The following GRIN2B variants were observed in gnomAD, a reference collection of about 807,000 sequenced individuals.
GRIN2B encodes the protein glutamate receptor ionotropic, NMDA 2B.
Under a neutral mutation model 114.5 loss-of-function variants are expected in GRIN2B, and 5 were observed. That is an observed-to-expected ratio of 0.04 (90% CI 0.02 to 0.09). GRIN2B has a LOEUF of 0.09. GRIN2B is among the 10% of genes least tolerant of loss of function. The pLI is 1.00. For synonymous variants in GRIN2B, 787 were observed against 745.1 expected (o/e 1.06, Z -0.92); for missense variants, 1,108 against 1,943.5 (o/e 0.57, Z 8.08).
At chr12:13,860,261 G>A (rs1018621497) in intron 3 of GRIN2B, among the ~76,000 whole-genome samples, 3 of 152,210 alleles carry the variant, frequency 2.0e-5, no homozygotes, top group Admixed American at 1.3e-4. Context: ...ATTCCAAAAT[G>A]TGGCTCTCAG....
chr12:13,690,802 G>C (rs764097), intron 4 of GRIN2B, among the ~76,000 whole-genome samples: 147,912 of 152,284 alleles, frequency 0.97, 71,961 homozygotes, highest in Middle Eastern at 1. Context: ...ATTGCAGTTT[G>C]TGGCTATGAT....
intron 4 of GRIN2B, among the ~76,000 whole-genome samples, chr12:13,733,575 A>T (rs185426846): frequency 6.6e-6 from 1 of 152,216 alleles, no homozygotes; most frequent in South Asian, 2.1e-4. Flanking sequence ...CCTAAAACCA[A>T]TCTAAAAGAG....
chr12:13,952,610 T>C (rs1341502011), intron 2 of GRIN2B, among the ~76,000 whole-genome samples: 2 of 152,124 alleles, frequency 1.3e-5, no homozygotes, highest in African/African-American at 2.4e-5. Context: ...TTCTTTTTCA[T>C]AGATTGTTGA....
chr12:13,798,749 C>T (rs185203785), intron 3 of GRIN2B, among the ~76,000 whole-genome samples: 28 of 152,284 alleles, frequency 1.8e-4, no homozygotes, highest in South Asian at 4.1e-4. Flanking sequence ...TTTATTCCCA[C>T]GCTTGGACAA....
At position 13,562,969 on chromosome 12, in the gene GRIN2B, G is replaced by A. The variant is rs1565452665; in HGVS notation, c.4269C>T (p.Ala1423=). 4 of 1,614,000 alleles carry A rather than the reference G, an allele frequency of 2.5e-6. No individual in the cohort carries two copies. Among genetic ancestry groups the A allele is most frequent in the Non-Finnish European group, 3.4e-6 (4 of 1,179,876 alleles). The change falls in exon 14 of 14, where the codon GCC becomes GCT. Residue 1423 remains alanine (A), a synonymous_variant. Transcript: ENST00000609686. ...AGACCACCGGCTTGTTGGTGACAAG[G>A]GCCCGGAAGTCCGGCCTGGCTTTCG... ...GASKARPDFR[A]LVTNKPVVSA...
rs528964051 is a variant in GRIN2B at position 13,538,608 on chromosome 12, A to G, written c.*24175T>C. 3.9e-5 allele frequency: 6 copies of G among 152,280 alleles called. No individual in the cohort carries two copies. Among genetic ancestry groups the G allele is most frequent in the Admixed American group, 3.9e-4 (6 of 15,288 alleles). The allele number at this position is 152,280 out of a possible 1,614,324, so 9.4% of individuals were successfully genotyped here. The stretch of plus-strand genomic sequence containing the variant: ...GGCAGGCAGATCACTTGAACCCAGG[A>G]GTTCAGAATCAGCCTGGACAACATG... On this transcript the variant is annotated 3_prime_UTR_variant, in exon 14 of 14. Coordinates refer to ENST00000609686, the MANE Select transcript of GRIN2B (RefSeq NM_000834.5).
intron 5 of GRIN2B, among the ~76,000 whole-genome samples, chr12:13,625,288 T>G (rs1345962061): frequency 6.6e-6 from 1 of 152,164 alleles, no homozygotes; most frequent in East Asian, 1.9e-4. Context: ...CCTTGCAAAC[T>G]TACTGTGATC....
At chr12:13,667,486 T>C (rs892115822) in intron 5 of GRIN2B, among the ~76,000 whole-genome samples, 3 of 152,176 alleles carry the variant, frequency 2.0e-5, no homozygotes, top group East Asian at 1.9e-4. Flanking sequence ...AGCAATCTTA[T>C]GGCATCACAG....
intron 4 of GRIN2B, among the ~76,000 whole-genome samples, chr12:13,691,393 A>C (rs1450046472): frequency 2.0e-5 from 3 of 152,222 alleles, no homozygotes; most frequent in African/African-American, 4.8e-5. Flanking sequence ...GGAAATCAGA[A>C]AGGTATTATG....
At chr12:13,600,936 A>G (rs1949148860) in intron 10 of GRIN2B, among the ~76,000 whole-genome samples, 1 of 152,220 alleles carries the variant, frequency 6.6e-6, no homozygotes, top group Non-Finnish European at 1.5e-5. Flanking sequence ...GACTGCCTAT[A>G]AAGCATGTCT....
chr12:13,722,754 G>A (rs532507875), intron 4 of GRIN2B, among the ~76,000 whole-genome samples: 68 of 152,226 alleles, frequency 4.5e-4, no homozygotes, highest in African/African-American at 1.5e-3. Flanking sequence ...TTTGAGATCC[G>A]TGGCTTCATC....
At position 13,615,420 on chromosome 12, in the gene GRIN2B, C is replaced by A; in HGVS notation, c.1500+73G>T. 6.8e-7 allele frequency: 1 copy of A among 1,464,916 alleles called. No homozygotes were observed. Among genetic ancestry groups the A allele is most frequent in the Non-Finnish European group, 9.6e-7 (1 of 1,043,830 alleles). 90.7% of individuals were successfully genotyped at this position (1,464,916 alleles called of 1,614,324 possible). A position where few individuals can be genotyped will look rare whatever the true frequency, so the allele number is the denominator to read the frequency against. On this transcript the variant is annotated intron_variant, in intron 7 of 13. Transcript: ENST00000609686. The surrounding 1 kb of genome is among the most constrained non-coding windows in gnomAD (Gnocchi z 5.8). ...TTTTCTGAAATGCATAAAGTGAGCA[C>A]GTTTTAAACTTATATTTAGAAGAAG...
At chr12:13,770,721 T>A (rs1380929686) in intron 3 of GRIN2B, among the ~76,000 whole-genome samples, 2 of 152,146 alleles carry the variant, frequency 1.3e-5, no homozygotes, top group Non-Finnish European at 2.9e-5. Context: ...CCTGTGTCCA[T>A]GTGTTCTCAT....
At chr12:13,927,460 T>C (rs1866937842) in intron 2 of GRIN2B, among the ~76,000 whole-genome samples, 1 of 152,160 alleles carries the variant, frequency 6.6e-6, no homozygotes, top group Non-Finnish European at 1.5e-5. Context: ...TTTGCCCTTG[T>C]AGTGCAAAAG....
intron 4 of GRIN2B, among the ~76,000 whole-genome samples, chr12:13,730,043 C>T (rs1193452234): frequency 6.7e-6 from 1 of 149,820 alleles, no homozygotes; most frequent in Non-Finnish European, 1.5e-5. Context: ...TAAAACACTT[C>T]AGACTGAGAG....
chr12:13,929,079 T>C (rs925768548), intron 2 of GRIN2B, among the ~76,000 whole-genome samples: 2 of 152,264 alleles, frequency 1.3e-5, no homozygotes, highest in African/African-American at 2.4e-5. Flanking sequence ...TTAGTAAGTA[T>C]AGAGCTAGGT....
intron 2 of GRIN2B, among the ~76,000 whole-genome samples, chr12:13,891,825 C>A (rs559297918): frequency 2.6e-5 from 4 of 152,272 alleles, no homozygotes; most frequent in Admixed American, 2.0e-4. Context: ...CCAAGAGGTG[C>A]TCAGACCCAG....
At chr12:13,723,142 TG>T (rs1395403666) in intron 4 of GRIN2B, among the ~76,000 whole-genome samples, 145 of 127,606 alleles carry the variant, frequency 1.1e-3, no homozygotes, top group South Asian at 2.9e-3. Flanking sequence ...CTTTTTTTTT[TG>T]TTTTTTATTA....
chr12:13,748,660 T>C (rs1043047924), intron 4 of GRIN2B, among the ~76,000 whole-genome samples: 3 of 152,180 alleles, frequency 2.0e-5, no homozygotes, highest in African/African-American at 7.2e-5. Context: ...TCAAATAAAG[T>C]TATCAGTTGG....
Sources: gnomAD v4.1 joint callset for allele counts (sites outside exome capture counted in the v4.1 genomes callset) on GRCh38, gnomAD v4.1.1 for gene constraint, Gnocchi (gnomAD v3.1) non-coding constraint, MANE v1.5 for transcripts, NCBI Gene and HGNC (gene_info 2026-07-23, HGNC 2026-07-21) for gene names.